Variants in DDX43 observed in about 807,000 individuals in gnomAD.
DDX43 encodes probable ATP-dependent RNA helicase DDX43.
In DDX43, 50 loss-of-function variants were observed where a neutral mutation model predicts 84.9. The ratio of observed to expected loss-of-function variants is 0.59; its 90% CI spans 0.47 to 0.75. The LOEUF (loss-of-function observed/expected upper bound fraction) is 0.75, where lower values mean the gene tolerates loss of function less well. Ranked by LOEUF, DDX43 falls within the 30% of genes least tolerant of loss-of-function variation. The probability of loss-of-function intolerance (pLI) is 0.00; values close to 1 mark genes in which losing one functional copy is unlikely to be tolerated. For synonymous variants in DDX43, 291 were observed against 266.3 expected, an observed-to-expected ratio of 1.09 and a Z score of -0.90; for missense variants, 689 against 798.6, an observed-to-expected ratio of 0.86 and a Z score of 1.65.
rs988028019 is a variant in DDX43 at position 73,400,838 on chromosome 6, A to G, written c.436+475A>G. ...ATAGAGAAAACAATTACTGAATCAT[A>G]TCTAGATGCAATGTGAAAGTAGAAT... On this transcript the variant is annotated intron_variant, in intron 3 of 16. Coordinates refer to ENST00000370336, the MANE Select transcript of DDX43 (RefSeq NM_018665.3). Among the ~76,000 whole-genome samples the G allele has an allele frequency of 3.3e-5, 5 of 152,196 alleles. No individual in the cohort carries two copies. In the East Asian group the frequency reaches 9.6e-4, roughly 29 times the overall value.
chr6:73,412,302 T>C lies in DDX43; in HGVS notation c.1368+10T>C. ...TACATTGGATCTAGTTGTAAGCTTT[T>C]TTTTATTACTATTGTTTAACATTTC... On this transcript the variant is annotated intron_variant, in intron 11 of 16. Transcript: ENST00000370336. The C allele has an allele frequency of 6.3e-7, 1 of 1,596,138 alleles. No homozygotes were observed. The highest frequency in any genetic ancestry group is 8.5e-7 in the Non-Finnish European group (1 of 1,170,214).
intron 2 of DDX43, 196 bp downstream of exon 2, chr6:73,397,940 G>T: frequency 2.4e-6 from 1 of 419,936 alleles, no homozygotes; most frequent in Non-Finnish European, 4.2e-6. Flanking sequence ...TGGAATTACG[G>T]GTTCCCACCA....
chr6:73,396,288 A>G (rs1250862770), intron 1 of DDX43, among the ~76,000 whole-genome samples: 1 of 152,176 alleles, frequency 6.6e-6, no homozygotes, highest in Non-Finnish European at 1.5e-5. Context: ...GATTAGAATG[A>G]TTACCCCATT....
intron 14 of DDX43, 62 bp from the exon 15 acceptor site, chr6:73,415,435 A>G (rs1769883661): frequency 3.3e-6 from 4 of 1,213,680 alleles, no homozygotes; most frequent in South Asian, 1.4e-5. Context: ...AAAAGTTTTC[A>G]TTTGTCTTAT....
In DDX43 at chr6:73,417,352, G is replaced by A. The variant is rs368927966; in HGVS notation, c.*191G>A. 2.1e-4 allele frequency: 32 copies of A among 152,262 alleles called. No homozygotes were observed. The East Asian group carries it at 5.6e-3, about 27-fold the overall frequency. 9.4% of individuals were successfully genotyped at this position (152,262 alleles called of 1,614,324 possible). ...AAAATAGAAGTATTTAAACTTGGAAGTTGTTTCCTGGATTTTTATTAAGGA... is the reference window on the plus strand; with the variant it reads ...AAAATAGAAGTATTTAAACTTGGAAATTGTTTCCTGGATTTTTATTAAGGA... On this transcript the variant is annotated 3_prime_UTR_variant, in exon 17 of 17. Coordinates refer to ENST00000370336, the MANE Select transcript of DDX43 (RefSeq NM_018665.3).
intron 5 of DDX43, among the ~76,000 whole-genome samples, chr6:73,405,350 A>G (rs2150794187): frequency 6.6e-6 from 1 of 152,350 alleles, no homozygotes; most frequent in South Asian, 2.1e-4. Context: ...TTAATGAAAT[A>G]TGTGTGGAAC....
intron 11 of DDX43, among the ~76,000 whole-genome samples, chr6:73,412,652 T>TGG (rs1769811839): frequency 1.2e-5 from 1 of 83,450 alleles, no homozygotes; most frequent in Non-Finnish European, 2.6e-5. Flanking sequence ...TGTGTGTGTG[T>TGG]GTGTGTGTGT....
intron 16 of DDX43, 75 bp downstream of exon 16, chr6:73,416,326 A>G (rs1354368192): frequency 1.5e-6 from 1 of 652,614 alleles, no homozygotes; most frequent in Non-Finnish European, 2.8e-6. Flanking sequence ...TGTTTATTGC[A>G]ATGAGCATGA....
intron 10 of DDX43, among the ~76,000 whole-genome samples, chr6:73,410,030 C>CAAA (rs200732786): frequency 2.1e-5 from 2 of 94,276 alleles, no homozygotes; most frequent in African/African-American, 4.0e-5. Flanking sequence ...AAATCTGTCT[C>CAAA]AAAAAAAAAA....
At chr6:73,399,198 C>T (rs1562282824) in intron 2 of DDX43, among the ~76,000 whole-genome samples, 1 of 152,188 alleles carries the variant, frequency 6.6e-6, no homozygotes, top group Non-Finnish European at 1.5e-5. Context: ...CCACCCGCCT[C>T]AGCCTCCCAA....
At chr6:73,409,125 C>T (rs1001023763) in intron 9 of DDX43, 123 bp from the exon 10 acceptor site, 7 of 716,124 alleles carry the variant, frequency 9.8e-6, no homozygotes, top group East Asian at 5.2e-5. Flanking sequence ...AAATTAGAAT[C>T]GTGGCTTAAG....
chr6:73,413,657 G>A lies in DDX43; in HGVS notation c.1369-1G>A, dbSNP rs1769846272. 6.2e-7 allele frequency: 1 copy of A among 1,612,900 alleles called. No homozygotes were observed. Among genetic ancestry groups the A allele is most frequent in the Admixed American group, 1.7e-5 (1 of 59,832 alleles). ...TGAACTATGTTCTTTGAATCCTTTA[G>A]GCTGTAAGTTCAGTGAAGCAAAATA... is the stretch of plus-strand genomic sequence containing the variant. On this transcript the variant is annotated splice_acceptor_variant, in intron 11 of 16. Coordinates refer to ENST00000370336, the MANE Select transcript of DDX43 (RefSeq NM_018665.3). LOFTEE classifies it high-confidence loss of function.
Position 73,414,673 on chromosome 6 carries a change from A to G in DDX43, c.1732A>G (p.Thr578Ala). The G allele has an allele frequency of 1.9e-6, 3 of 1,612,688 alleles. No homozygotes were observed. Among genetic ancestry groups the G allele is most frequent in the East Asian group, 2.2e-5 (1 of 44,788 alleles). ...AGAATACGTACACCGAATAGGGCGC[A>G]CGGGAAGAGCAGGGTAAGTAAGCTT... ...IEEYVHRIGR[T>A]GRAGRTGVSI... Residue 578 changes from threonine to alanine, a missense_variant, in exon 14 of 17, where the codon ACG becomes GCG. Transcript: ENST00000370336.
chr6:73,395,221 T>C, intron 1 of DDX43, 66 bp downstream of exon 1: 2 of 1,508,668 alleles, frequency 1.3e-6, no homozygotes, highest in Non-Finnish European at 1.8e-6. Flanking sequence ...GGCGAAGGCA[T>C]TTCCTCCCCA....
chr6:73,412,358 G>T, intron 11 of DDX43, 66 bp downstream of exon 11: 3 of 1,397,218 alleles, frequency 2.1e-6, no homozygotes, highest in Non-Finnish European at 3.0e-6. Flanking sequence ...GCTAATTTTG[G>T]TGTGCCTAGT....
At position 73,414,162 on chromosome 6, in the gene DDX43, C is replaced by T. The variant is rs950908920; in HGVS notation, c.1606+83C>T. ...GGCTGAGTAACATCTTTTCATGAAA[C>T]CCATTTATTTCTAAGATCTGTCCTC... On this transcript the variant is annotated intron_variant, in intron 13 of 16. Coordinates refer to ENST00000370336, the MANE Select transcript of DDX43 (RefSeq NM_018665.3). The T allele has an allele frequency of 7.4e-6, 6 of 806,704 alleles. No individual in the cohort carries two copies. In the African/African-American group the frequency reaches 8.6e-5, roughly 12 times the overall value. The allele number at this position is 806,704 out of a possible 1,614,324, so 50.0% of individuals were successfully genotyped here.
At chr6:73,403,300 T>C (rs1404077910) in intron 4 of DDX43, among the ~76,000 whole-genome samples, 3 of 152,130 alleles carry the variant, frequency 2.0e-5, no homozygotes, top group East Asian at 3.9e-4. Flanking sequence ...TGAAACCCCA[T>C]CTCTACTAAA....
At chr6:73,416,000 G>GT in intron 15 of DDX43, 113 bp from the exon 16 acceptor site, 1 of 663,348 alleles carries the variant, frequency 1.5e-6, no homozygotes. Flanking sequence ...ACCTGTTTCT[G>GT]TTTAAAGGAT....
intron 11 of DDX43, among the ~76,000 whole-genome samples, chr6:73,412,639 GT>G (rs1769811105): frequency 5.0e-5 from 1 of 19,988 alleles, no homozygotes; most frequent in African/African-American, 1.1e-4. Flanking sequence ...TATATATATA[GT>G]GTGTGTGTGT....
Sources: gnomAD v4.1 joint callset for allele counts (sites outside exome capture counted in the v4.1 genomes callset) on GRCh38, gnomAD v4.1.1 for gene constraint, MANE v1.5 for transcripts, NCBI Gene and HGNC (gene_info 2026-07-23, HGNC 2026-07-21) for gene names.